Variants in STRIP2 observed in about 807,000 individuals in gnomAD.
The protein encoded by STRIP2 is striatin interacting protein 2.
STRIP2 carries 84 observed loss-of-function variants against 107.1 expected under a neutral mutation model. The observed-to-expected ratio is 0.78, with a 90% CI of 0.66 to 0.94. The LOEUF is 0.94. Among genes scored for constraint, STRIP2 ranks in the 40% least tolerant of loss-of-function variants. The pLI, the probability that STRIP2 is intolerant of heterozygous loss-of-function variation, is 0.00. For missense variants in STRIP2, 888 were observed against 1,034.2 expected, an observed-to-expected ratio of 0.86 and a Z score of 1.94; for synonymous variants, 394 against 400.4, an observed-to-expected ratio of 0.98 and a Z score of 0.19.
At chr7:129,470,293 G>A (rs1232829966) in intron 17 of STRIP2, among the ~76,000 whole-genome samples, 4 of 152,242 alleles carry the variant, frequency 2.6e-5, no homozygotes, top group Non-Finnish European at 4.4e-5. Flanking sequence ...GGCAGTGTCT[G>A]TGGGAGCAGT....
intron 13 of STRIP2, chr7:129,460,635 A>G: frequency 2.2e-6 from 1 of 449,648 alleles, no homozygotes; most frequent in South Asian, 2.2e-5. Flanking sequence ...TCAGTAGACT[A>G]CTTAAGATTG....
Position 129,480,784 on chromosome 7 carries a change from G to A in STRIP2, c.1945-1G>A. The stretch of plus-strand genomic sequence containing the variant: ...ATAATGATGGATGTTCCCTACTATA[G>A]GAAGCTGGAGACAACAGCCAGTTCT... On this transcript the variant is annotated splice_acceptor_variant, in intron 18 of 20. Coordinates refer to ENST00000249344, the MANE Select transcript of STRIP2 (RefSeq NM_020704.3). LOFTEE classifies it high-confidence loss of function. 1 of 1,611,696 alleles carries A rather than the reference G, an allele frequency of 6.2e-7. No homozygotes were observed. Among genetic ancestry groups the A allele is most frequent in the South Asian group, 1.1e-5 (1 of 90,712 alleles).
chr7:129,475,233 G>A (rs1055865961), intron 18 of STRIP2, among the ~76,000 whole-genome samples: 7 of 151,280 alleles, frequency 4.6e-5, no homozygotes, highest in African/African-American at 1.7e-4. Context: ...GCATCTGAAT[G>A]GTTGTTGAGA....
intron 2 of STRIP2, among the ~76,000 whole-genome samples, chr7:129,440,772 A>G (rs1025181125): frequency 2.6e-5 from 4 of 152,146 alleles, no homozygotes; most frequent in African/African-American, 4.8e-5. Flanking sequence ...TCCATGTTAC[A>G]TGTGCTATGA....
chr7:129,452,296 G>A (rs1375991587), intron 4 of STRIP2, among the ~76,000 whole-genome samples: 2 of 152,022 alleles, frequency 1.3e-5, no homozygotes, highest in African/African-American at 4.8e-5. Context: ...GCCAGGTGTT[G>A]GAAAGGGAAA....
chr7:129,459,025 T>A (rs1798449893), intron 11 of STRIP2, among the ~76,000 whole-genome samples: 1 of 152,228 alleles, frequency 6.6e-6, no homozygotes, highest in Admixed American at 6.5e-5. Flanking sequence ...ACAAGTCATT[T>A]CTCTTTCGGG....
intron 18 of STRIP2, among the ~76,000 whole-genome samples, chr7:129,476,658 G>A (rs1689318529): frequency 6.6e-6 from 1 of 151,698 alleles, no homozygotes; most frequent in Non-Finnish European, 1.5e-5. Flanking sequence ...AGACTGGATG[G>A]CGGCCGGGAA....
At chr7:129,460,607 G>C in intron 13 of STRIP2, 1 of 511,152 alleles carries the variant, frequency 2.0e-6, no homozygotes, top group Non-Finnish European at 3.5e-6. Flanking sequence ...ATTTAAACAG[G>C]ATGACATGAA....
Position 129,458,524 on chromosome 7 carries a change from T to C in STRIP2, c.1274+74T>C. 1 of 1,351,084 alleles carries C rather than the reference T, an allele frequency of 7.4e-7. No individual in the cohort carries two copies. The highest frequency in any genetic ancestry group is 1.4e-5 in the South Asian group (1 of 70,720). 83.7% of individuals were successfully genotyped at this position (1,351,084 alleles called of 1,614,324 possible). On this transcript the variant is annotated intron_variant, in intron 10 of 20. Transcript: ENST00000249344. The surrounding 1 kb of genome is among the most constrained non-coding windows in gnomAD (Gnocchi z 4.6). ...CAAAGGCCCAAGATGGGGTAGTCTA[T>C]GTATTCAAGGCTCGTTAAGTTGGTC...
At position 129,480,772 on chromosome 7, in the gene STRIP2, T is replaced by C. The variant is rs756032047; in HGVS notation, c.1945-13T>C. The C allele has an allele frequency of 1.4e-5, 22 of 1,603,618 alleles. 1 individual carries two copies. The South Asian group carries it at 2.3e-4, about 17-fold the overall frequency. On this transcript the variant is annotated splice_polypyrimidine_tract_variant and intron_variant, in intron 18 of 20. Transcript: ENST00000249344. The stretch of plus-strand genomic sequence containing the variant: ...GTAGGTATTAAGATAATGATGGATG[T>C]TCCCTACTATAGGAAGCTGGAGACA...
At chr7:129,451,802 G>A in intron 4 of STRIP2, 55 bp downstream of exon 4, 1 of 1,604,316 alleles carries the variant, frequency 6.2e-7, no homozygotes, top group Non-Finnish European at 8.5e-7. Flanking sequence ...AGGGAAGTGG[G>A]CATTATCAGG....
intron 1 of STRIP2, among the ~76,000 whole-genome samples, chr7:129,437,377 G>A (rs923199672): frequency 1.3e-5 from 2 of 151,950 alleles, no homozygotes; most frequent in African/African-American, 4.8e-5. Context: ...GGTTGAGGCC[G>A]CAGTGAGCTG....
intron 18 of STRIP2, among the ~76,000 whole-genome samples, chr7:129,476,851 C>T (rs1219159981): frequency 8.6e-5 from 13 of 151,972 alleles, no homozygotes; most frequent in Non-Finnish European, 1.6e-4. Context: ...TGTAGCTAGC[C>T]GAGATCACGC....
intron 3 of STRIP2, among the ~76,000 whole-genome samples, chr7:129,447,612 T>C (rs546438151): frequency 3.9e-5 from 6 of 152,316 alleles, no homozygotes; most frequent in East Asian, 3.9e-4. Flanking sequence ...AGCCAGAGAA[T>C]AGATATACCT....
Position 129,434,606 on chromosome 7 carries a change from G to C in STRIP2, c.129+5G>C. 1 of 1,491,204 alleles carries C rather than the reference G, an allele frequency of 6.7e-7. No individual in the cohort carries two copies. Among genetic ancestry groups the C allele is most frequent in the Non-Finnish European group, 8.9e-7 (1 of 1,124,594 alleles). The allele number at this position is 1,491,204 out of a possible 1,614,324, so 92.4% of individuals were successfully genotyped here. A position where few individuals can be genotyped will look rare whatever the true frequency, so the allele number is the denominator to read the frequency against. ...AGCCAGCGGCGGGAGTCAGAGGTGA[G>C]GAGCCCGGAAAGCTTCGGCTGGGGC... On this transcript the variant is annotated splice_donor_5th_base_variant and intron_variant, in intron 1 of 20. Transcript: ENST00000249344.
At chr7:129,482,040 C>A (rs1010149157) in intron 19 of STRIP2, among the ~76,000 whole-genome samples, 2 of 151,636 alleles carry the variant, frequency 1.3e-5, no homozygotes, top group African/African-American at 4.8e-5. Context: ...GGCGCCTCTA[C>A]TCAGGGGAGG....
intron 1 of STRIP2, among the ~76,000 whole-genome samples, chr7:129,436,674 C>T (rs758809525): frequency 2.0e-5 from 3 of 152,212 alleles, no homozygotes; most frequent in African/African-American, 7.2e-5. Context: ...TTCTCTCCCT[C>T]TTTTTGCTTT....
At chr7:129,456,772 C>T (rs947275503) in intron 9 of STRIP2, 130 bp downstream of exon 9, 1 of 789,478 alleles carries the variant, frequency 1.3e-6, no homozygotes, top group Non-Finnish European at 2.0e-6. Flanking sequence ...GCCCTATGAC[C>T]AACCTGAAAT....
At chr7:129,484,729 A>T (rs1348809935) in intron 20 of STRIP2, 1 of 152,246 alleles carries the variant, frequency 6.6e-6, no homozygotes, top group Non-Finnish European at 1.5e-5. Context: ...AACTTCTGCT[A>T]TAAGACATAA....
Sources: gnomAD v4.1 joint callset for allele counts (sites outside exome capture counted in the v4.1 genomes callset) on GRCh38, gnomAD v4.1.1 for gene constraint, Gnocchi (gnomAD v3.1) non-coding constraint, MANE v1.5 for transcripts, NCBI Gene and HGNC (gene_info 2026-07-23, HGNC 2026-07-21) for gene names.